GABBR2: variants seen among roughly 807,000 people sequenced by gnomAD.
GABBR2 encodes the protein G-protein coupled receptor 51.
Under a neutral mutation model 105.6 loss-of-function variants are expected in GABBR2, and 23 were observed. The observed-to-expected ratio is 0.22, with a 90% CI of 0.16 to 0.31. GABBR2 has a LOEUF of 0.31. Among genes scored for constraint, GABBR2 ranks in the 10% least tolerant of loss-of-function variants. The pLI, the probability that GABBR2 is intolerant of heterozygous loss-of-function variation, is 1.00. For synonymous variants in GABBR2, 478 were observed against 499.7 expected, an observed-to-expected ratio of 0.96 and a Z score of 0.58; for missense variants, 734 against 1,245.5, an observed-to-expected ratio of 0.59 and a Z score of 6.18.
chr9:98,312,499 C>A (rs1010048942), intron 13 of GABBR2, among the ~76,000 whole-genome samples: 6 of 152,186 alleles, frequency 3.9e-5, no homozygotes, highest in African/African-American at 9.7e-5. Context: ...GTCAGACATC[C>A]ATTTCAAAGG....
At chr9:98,538,579 G>A (rs1828227001) in intron 3 of GABBR2, 2 of 982,792 alleles carry the variant, frequency 2.0e-6, no homozygotes, top group Non-Finnish European at 1.2e-6. Flanking sequence ...GCTCACAGGA[G>A]CAGCTGGTCC....
chr9:98,499,504 T>C (rs550303636), intron 3 of GABBR2, among the ~76,000 whole-genome samples: 1 of 152,338 alleles, frequency 6.6e-6, no homozygotes, highest in African/African-American at 2.4e-5. Flanking sequence ...AAGGAGTCTA[T>C]GCTCACCTCA....
intron 1 of GABBR2, among the ~76,000 whole-genome samples, chr9:98,668,131 C>A (rs1830360023): frequency 6.6e-6 from 1 of 152,194 alleles, no homozygotes; most frequent in Non-Finnish European, 1.5e-5. Flanking sequence ...CTGCCTCTGC[C>A]CCCTCCCTCC....
In GABBR2 at chr9:98,450,004, T is replaced by C. The variant is rs61465695; in HGVS notation, c.1236+3977A>G. ...AGGTGGATTCCCAACCTAGGATGCA[T>C]GGAAGACATTTCTTCATCCATATGC... On this transcript the variant is annotated intron_variant, in intron 7 of 18. Transcript: ENST00000259455. 5.8e-3 allele frequency among the ~76,000 whole-genome samples: 878 copies of C among 152,298 alleles called. 8 individuals carry two copies. The highest frequency in any genetic ancestry group is 0.02 in the African/African-American group (839 of 41,564).
intron 13 of GABBR2, among the ~76,000 whole-genome samples, chr9:98,332,208 G>A (rs926158361): frequency 2.0e-5 from 3 of 152,168 alleles, no homozygotes; most frequent in African/African-American, 7.2e-5. Context: ...GAGTCTGCAG[G>A]ATTAAATGAG....
At position 98,394,163 on chromosome 9, in the gene GABBR2, C is replaced by T. The variant is rs1832245348; in HGVS notation, c.1378+12G>A. ...GGCAGGCCCCCTCCTCTGAGAAGCC[C>T]ACCTGCCTTACCTTGGAACCTGATG... On this transcript the variant is annotated intron_variant, in intron 9 of 18. Transcript: ENST00000259455. The T allele has an allele frequency of 1.2e-6, 2 of 1,601,860 alleles. No homozygotes were observed. Among genetic ancestry groups the T allele is most frequent in the South Asian group, 1.1e-5 (1 of 90,824 alleles).
At chr9:98,642,413 T>G (rs1829976640) in intron 1 of GABBR2, among the ~76,000 whole-genome samples, 1 of 152,162 alleles carries the variant, frequency 6.6e-6, no homozygotes, top group African/African-American at 2.4e-5. Context: ...TCCAGCCCAT[T>G]CCCCATGCCG....
At chr9:98,613,538 G>A (rs1340474943) in intron 1 of GABBR2, among the ~76,000 whole-genome samples, 11 of 152,108 alleles carry the variant, frequency 7.2e-5, no homozygotes, top group African/African-American at 9.7e-5. Context: ...TGATAAAAGC[G>A]AGAGGAAGCC....
chr9:98,678,493 C>G (rs921617224), intron 1 of GABBR2, among the ~76,000 whole-genome samples: 1 of 152,198 alleles, frequency 6.6e-6, no homozygotes, highest in Non-Finnish European at 1.5e-5. Context: ...ATACAGGAGA[C>G]CAGCAAGGCT....
At chr9:98,479,035 C>T (rs967214215) in intron 5 of GABBR2, among the ~76,000 whole-genome samples, 6 of 152,094 alleles carry the variant, frequency 3.9e-5, no homozygotes, top group Admixed American at 1.3e-4. Flanking sequence ...CTGGACCCTA[C>T]GTAGTAAGCA....
intron 7 of GABBR2, among the ~76,000 whole-genome samples, chr9:98,434,316 C>T (rs1264325519): frequency 6.6e-6 from 1 of 152,130 alleles, no homozygotes; most frequent in Non-Finnish European, 1.5e-5. Context: ...ATAAACTCAC[C>T]TTTATATAGA....
chr9:98,643,879 G>A (rs1829998902), intron 1 of GABBR2, among the ~76,000 whole-genome samples: 1 of 152,198 alleles, frequency 6.6e-6, no homozygotes, highest in Non-Finnish European at 1.5e-5. Flanking sequence ...CAAGAGAACA[G>A]AGCCAACACC....
chr9:98,607,972 A>G, intron 1 of GABBR2: 2 of 1,309,442 alleles, frequency 1.5e-6, no homozygotes, highest in Non-Finnish European at 2.2e-6. Context: ...CGGCACCATG[A>G]GCAAATGAAA....
At chr9:98,498,077 C>T (rs745853806) in intron 3 of GABBR2, among the ~76,000 whole-genome samples, 2 of 152,200 alleles carry the variant, frequency 1.3e-5, no homozygotes, top group Non-Finnish European at 2.9e-5. Context: ...CTGACACATG[C>T]TACAACATGG....
At chr9:98,477,259 A>G (rs1826812647) in intron 5 of GABBR2, among the ~76,000 whole-genome samples, 1 of 152,106 alleles carries the variant, frequency 6.6e-6, no homozygotes, top group South Asian at 2.1e-4. Context: ...TTTTTTCTTG[A>G]GACAGGGTCT....
intron 6 of GABBR2, among the ~76,000 whole-genome samples, chr9:98,469,219 C>T (rs924197447): frequency 4.6e-5 from 7 of 152,120 alleles, no homozygotes; most frequent in Admixed American, 3.3e-4. Flanking sequence ...CCTCAGGAAA[C>T]TTACAATCAC....
At chr9:98,414,971 T>C (rs1432849915) in intron 7 of GABBR2, among the ~76,000 whole-genome samples, 1 of 152,194 alleles carries the variant, frequency 6.6e-6, no homozygotes, top group Non-Finnish European at 1.5e-5. Context: ...CTTTGGACTT[T>C]ATATAAGAGA....
At chr9:98,324,114 C>T (rs978541476) in intron 13 of GABBR2, among the ~76,000 whole-genome samples, 3 of 152,184 alleles carry the variant, frequency 2.0e-5, no homozygotes, top group Non-Finnish European at 4.4e-5. Flanking sequence ...AACTGAACCT[C>T]GAGCATCTTG....
chr9:98,483,868 T>C lies in GABBR2; in HGVS notation c.733-2871A>G, dbSNP rs117522202. On this transcript the variant is annotated intron_variant, in intron 4 of 18. Transcript: ENST00000259455. Reference sequence around the variant, plus strand: ...CCAATGTGGCTCAAGTCCACTTACTTGTCTGTCTTCCCCACTGAAGTAAGC... The same window carrying C: ...CCAATGTGGCTCAAGTCCACTTACTCGTCTGTCTTCCCCACTGAAGTAAGC... Among the ~76,000 whole-genome samples the C allele has an allele frequency of 9.1e-4, 139 of 152,336 alleles. 4 individuals are homozygous for C. The East Asian group carries it at 0.019, about 21-fold the overall frequency.
Sources: allele counts gnomAD v4.1 joint callset (sites outside exome capture counted in the v4.1 genomes callset), GRCh38; gene constraint gnomAD v4.1.1; transcripts MANE v1.5; gene names NCBI Gene and HGNC (gene_info 2026-07-23, HGNC 2026-07-21).